CDK16: variants seen among roughly 807,000 people sequenced by gnomAD.
The protein encoded by CDK16 is cyclin dependent kinase 16.
Under a neutral mutation model 41.6 loss-of-function variants are expected in CDK16, and 2 were observed. The ratio of observed to expected loss-of-function variants is 0.05; its 90% CI spans 0.02 to 0.15. The LOEUF (loss-of-function observed/expected upper bound fraction) is 0.15, where lower values mean the gene tolerates loss of function less well. CDK16 is among the 10% of genes least tolerant of loss of function. CDK16 has a pLI of 1.00. For missense variants in CDK16, 228 were observed against 428.9 expected (o/e 0.53, Z 4.14); for synonymous variants, 169 against 169.7 (o/e 1.00, Z 0.03).
chrX:47,219,408 T>G (rs1602671339), intron 1 of CDK16, among the ~76,000 whole-genome samples: 2 of 100,410 alleles, frequency 2.0e-5, no homozygotes, highest in African/African-American at 7.3e-5. Flanking sequence ...CTGATGGGGG[T>G]CGGAGCATGT....
At chrX:47,219,746 TTGTGGAGGGCAGGTAGC>T (rs1937253552) in intron 1 of CDK16, among the ~76,000 whole-genome samples, 1 of 110,105 alleles carries the variant, frequency 9.1e-6, no homozygotes, top group South Asian at 3.9e-4. Flanking sequence ...CAGTGTGTGC[TTGTGGAGGGCAGGTAGC>T]TGAAGGACTC....
Position 47,226,284 on chromosome X carries a change from C to G in CDK16, c.798C>G (p.Phe266Leu). 4.1e-6 allele frequency: 5 copies of G among 1,210,962 alleles called. No individual in the cohort carries two copies. Among genetic ancestry groups the G allele is most frequent in the Non-Finnish European group, 5.6e-6 (5 of 895,177 alleles). The change falls in exon 9 of 16, where the codon TTC (phenylalanine) becomes TTG (leucine). Residue 266 changes from phenylalanine (F) to leucine (L), a missense_variant. Physicochemically the swap from Phe to Leu is conservative, Grantham distance 22. Around this residue, in one of 3 missense-constraint regions of CDK16, gnomAD observed 66 missense variants for 197.2 expected, o/e 0.33. Coordinates refer to ENST00000357227, the MANE Select transcript of CDK16 (RefSeq NM_006201.5). ...NIINMHNVKL[F>L]LFQLLRGLAY... Reference sequence around the variant, plus strand: ...TGCCATTCCTGGGTCCCCAGCTGTTCCTGTTCCAGCTGCTCCGTGGCCTGG... The same window carrying G: ...TGCCATTCCTGGGTCCCCAGCTGTTGCTGTTCCAGCTGCTCCGTGGCCTGG...
Position 47,218,790 on chromosome X carries a change from C to T in CDK16, c.-322C>T, listed in dbSNP as rs1259918018. The T allele has an allele frequency of 3.7e-5, 43 of 1,148,904 alleles. No homozygotes were observed. The highest frequency in any genetic ancestry group is 1.6e-4 in the African/African-American group (9 of 55,274). 94.7% of individuals were successfully genotyped at this position (1,148,904 alleles called of 1,213,427 possible). On this transcript the variant is annotated 5_prime_UTR_variant, in exon 1 of 16. Transcript: ENST00000357227. ...GATCCGCCGCCACTCCGCGATCAGA[C>T]CGCTCTGTGCCGCGAGCCGCCGTGA...
chrX:47,222,899 TCCACACA>T, intron 1 of CDK16: 1 of 181,036 alleles, frequency 5.5e-6, no homozygotes, highest in Non-Finnish European at 9.0e-6. Flanking sequence ...CCCCCCGCCC[TCCACACA>T]ATCCCACCCA....
chrX:47,229,221 G>A lies in CDK16; in HGVS notation c.*453G>A. On this transcript the variant is annotated 3_prime_UTR_variant, in exon 16 of 16. Transcript: ENST00000357227. ...GCCTGCTTTCCTGCCTGCCCCACCTGCCTCATATTGTGTGGGCCTTTTTTT... is the reference window on the plus strand; with the variant it reads ...GCCTGCTTTCCTGCCTGCCCCACCTACCTCATATTGTGTGGGCCTTTTTTT... 4.1e-6 allele frequency: 1 copy of A among 245,313 alleles called. No homozygotes were observed. The highest frequency in any genetic ancestry group is 1.1e-4 in the East Asian group (1 of 9,411). The allele number at this position is 245,313 out of a possible 1,213,427, so 20.2% of individuals were successfully genotyped here. A position where few individuals can be genotyped will look rare whatever the true frequency, so the allele number is the denominator to read the frequency against.
At chrX:47,225,739 T>A in intron 6 of CDK16, 33 bp from the exon 7 acceptor site, 1 of 1,082,079 alleles carries the variant, frequency 9.2e-7, no homozygotes, top group Non-Finnish European at 1.3e-6. Flanking sequence ...GGACCCTGAC[T>A]CTTCCCCTGT....
intron 1 of CDK16, chrX:47,222,015 T>G (rs1937356335): frequency 8.9e-6 from 1 of 111,947 alleles, no homozygotes; most frequent in African/African-American, 3.3e-5. Context: ...TTCCCCCTCC[T>G]TGCTGGCCCA....
Position 47,224,639 on chromosome X carries a change from C to T in CDK16, c.358C>T (p.Leu120=). 1.7e-6 allele frequency: 2 copies of T among 1,211,880 alleles called. No individual in the cohort carries two copies. The highest frequency in any genetic ancestry group is 2.2e-6 in the Non-Finnish European group (2 of 895,511). The stretch of plus-strand genomic sequence containing the variant: ...CTAGGACATCAACAAGCGCCTATCA[C>T]TACCAGCTGACATCCGGCTGCCTGA... ...STEDINKRLS[L]PADIRLPEGY... is the part of the protein sequence containing the mutation. The change falls in exon 4 of 16, where the codon CTA becomes TTA. Residue 120 remains leucine, a synonymous_variant. Coordinates refer to ENST00000357227, the MANE Select transcript of CDK16 (RefSeq NM_006201.5).
Position 47,218,681 on chromosome X carries a change from C to T in CDK16, c.-431C>T, listed in dbSNP as rs374522627. On this transcript the variant is annotated 5_prime_UTR_variant, in exon 1 of 16. Transcript: ENST00000357227. ...CAGTCCGAGGTGAGTCCCCTCCTTT[C>T]CACTTCACCCTTCCGAGCGCCTGCG... The T allele has an allele frequency of 8.8e-5, 102 of 1,165,345 alleles. No homozygotes were observed. The African/African-American group carries it at 1.7e-3, about 20-fold the overall frequency.
chrX:47,222,958 C>A, intron 1 of CDK16: 3 of 304,089 alleles, frequency 9.9e-6, no homozygotes, highest in Non-Finnish European at 1.3e-5. Context: ...ACGCTCCCCT[C>A]CCCCCCCCCA....
In CDK16 at chrX:47,223,273, C is replaced by T. The variant is rs17550472; in HGVS notation, c.-6-279C>T. On this transcript the variant is annotated intron_variant, in intron 1 of 15. Transcript: ENST00000357227. Reference sequence around the variant, plus strand: ...AGATCCCAACAATCCATCGTTAGGGCCCTTGCCCTCAATCAGCCACCTAAA... The same window carrying T: ...AGATCCCAACAATCCATCGTTAGGGTCCTTGCCCTCAATCAGCCACCTAAA... The T allele has an allele frequency of 0.014, 15,969 of 1,155,016 alleles. 987 individuals are homozygous for T. In the East Asian group the frequency reaches 0.24, roughly 17 times the overall value.
Position 47,224,878 on chromosome X carries a change from C to T in CDK16, c.507C>T (p.Asp169=). The part of the protein sequence containing the change: ...FGKLETYIKL[D]KLGEGTYATV... Reference sequence around the variant, plus strand: ...AACTGGAGACCTACATTAAGCTGGACAAACTGGGCGAGGTGAGAGGCAAAT... The same window carrying T: ...AACTGGAGACCTACATTAAGCTGGATAAACTGGGCGAGGTGAGAGGCAAAT... Residue 169 remains aspartate, a synonymous_variant, in exon 5 of 16, where the codon GAC becomes GAT. Transcript: ENST00000357227. The T allele has an allele frequency of 4.1e-6, 5 of 1,211,374 alleles. No homozygotes were observed. Among genetic ancestry groups the T allele is most frequent in the Non-Finnish European group, 5.6e-6 (5 of 895,388 alleles).
chrX:47,218,881 C>A lies in CDK16; in HGVS notation c.-231C>A. The A allele has an allele frequency of 9.2e-7, 1 of 1,087,588 alleles. No individual in the cohort carries two copies. The highest frequency in any genetic ancestry group is 2.1e-5 in the South Asian group (1 of 46,972). The allele number at this position is 1,087,588 out of a possible 1,213,427, so 89.6% of individuals were successfully genotyped here. ...CGCCCGCAGCGGCCAAGCTCATGGC[C>A]GGCTGAGCGGGACGCCGCCTCCGCC... On this transcript the variant is annotated 5_prime_UTR_variant, in exon 1 of 16. Transcript: ENST00000357227.
intron 1 of CDK16, among the ~76,000 whole-genome samples, chrX:47,220,250 G>C (rs1470447527): frequency 2.8e-5 from 3 of 107,581 alleles, no homozygotes; most frequent in African/African-American, 1.0e-4. Context: ...CCTTGTGTCC[G>C]CGGAGGACCA....
Position 47,223,749 on chromosome X carries a change from C to T in CDK16, c.192C>T (p.Ser64=). The change falls in exon 2 of 16, where the codon AGC becomes AGT. Residue 64 remains serine (S), a synonymous_variant. Coordinates refer to ENST00000357227, the MANE Select transcript of CDK16 (RefSeq NM_006201.5). The part of the protein sequence containing the change: ...GELRSARGPL[S]SAPEIVHEDL... The stretch of plus-strand genomic sequence containing the variant: ...TTCGTTCTGCACGGGGCCCACTCAG[C>T]TCTGCACCAGGTGGGTCCACTGGCT... 1.7e-6 allele frequency: 2 copies of T among 1,205,838 alleles called. No homozygotes were observed. Among genetic ancestry groups the T allele is most frequent in the Non-Finnish European group, 2.2e-6 (2 of 892,285 alleles).
At chrX:47,221,663 G>C (rs897390054) in intron 1 of CDK16, among the ~76,000 whole-genome samples, 1 of 111,828 alleles carries the variant, frequency 8.9e-6, no homozygotes, top group African/African-American at 3.3e-5. Context: ...GGTTGTCTTT[G>C]GGAGCTGGCC....
chrX:47,223,102 C>T (rs1937415330), intron 1 of CDK16: 4 of 1,156,558 alleles, frequency 3.5e-6, no homozygotes, highest in Non-Finnish European at 4.6e-6. Flanking sequence ...AACTATGCCA[C>T]TCTATGGCCG....
chrX:47,220,227 G>A (rs1937279171), intron 1 of CDK16, among the ~76,000 whole-genome samples: 1 of 108,709 alleles, frequency 9.2e-6, no homozygotes. Context: ...TCAGAACCTT[G>A]TGAAGATTGT....
rs1556796181 is a variant in CDK16, at chrX:47,218,749, G to A, written c.-363G>A. 9.5e-6 allele frequency: 11 copies of A among 1,159,637 alleles called. No individual in the cohort carries two copies. The highest frequency in any genetic ancestry group is 1.3e-5 in the Non-Finnish European group (11 of 870,853). On this transcript the variant is annotated 5_prime_UTR_variant, in exon 1 of 16. The change creates a premature stop within an existing upstream ORF in the 5' untranslated region. Coordinates refer to ENST00000357227, the MANE Select transcript of CDK16 (RefSeq NM_006201.5). ...CGGCGCGCGCGGCGGTTGGGCCGTT[G>A]GCTGTTCGGCCCTGGGATCCGCCGC...
Sources: gnomAD v4.1 joint callset for allele counts (sites outside exome capture counted in the v4.1 genomes callset) on GRCh38, gnomAD v4.1.1 for gene constraint, gnomAD v4.1.1 regional missense constraint, MANE v1.5 for transcripts, NCBI Gene and HGNC (gene_info 2026-07-23, HGNC 2026-07-21) for gene names.